Variants in SRGAP1 observed in about 807,000 individuals in gnomAD.
SRGAP1 encodes the protein SLIT-ROBO Rho GTPase activating protein 1, also known as SLIT-ROBO Rho GTPase-activating protein 1.
A neutral mutation model predicts 121.9 loss-of-function variants in SRGAP1; 43 were observed. That is an observed-to-expected ratio of 0.35 (90% CI 0.28 to 0.46). The LOEUF is 0.46. Ranked by LOEUF, SRGAP1 falls within the 20% of genes least tolerant of loss-of-function variation. The pLI is 1.00. For missense variants in SRGAP1, 1,102 were observed against 1,350.9 expected, an observed-to-expected ratio of 0.82 and a Z score of 2.89; for synonymous variants, 447 against 485.4, an observed-to-expected ratio of 0.92 and a Z score of 1.04.
intron 1 of SRGAP1, among the ~76,000 whole-genome samples, chr12:63,941,406 T>C (rs1266825870): frequency 6.6e-6 from 1 of 152,176 alleles, no homozygotes. Context: ...ATCAGGTCCA[T>C]TGAATTTGAC....
rs1254064578 is a variant in SRGAP1 at position 63,844,828 on chromosome 12, G to A, written c.12G>A (p.Pro4=). Residue 4 remains proline (P), a synonymous_variant, in exon 1 of 22, where the codon CCG becomes CCA. Coordinates refer to ENST00000355086, the MANE Select transcript of SRGAP1 (RefSeq NM_020762.4). This position sits in a 1 kb window ranked among gnomAD's most constrained non-coding sequence, Gnocchi z 4.3. The part of the protein sequence containing the change: MST[P]SRFKKDKEII... ...GGAACAGCTGGATAATGTCCACCCC[G>A]AGCCGATTCAAGAAGGACAAAGAGA... The A allele has an allele frequency of 1.9e-6, 3 of 1,614,132 alleles. No individual in the cohort carries two copies. The highest frequency in any genetic ancestry group is 1.1e-5 in the South Asian group (1 of 91,080).
intron 1 of SRGAP1, among the ~76,000 whole-genome samples, chr12:63,922,493 A>G (rs2031099245): frequency 6.6e-6 from 1 of 152,216 alleles, no homozygotes; most frequent in Admixed American, 6.5e-5. Context: ...GTTACCTCAC[A>G]AGTAAAACTT....
intron 1 of SRGAP1, among the ~76,000 whole-genome samples, chr12:63,940,164 G>A (rs547248902): frequency 6.6e-6 from 1 of 151,868 alleles, no homozygotes; most frequent in Non-Finnish European, 1.5e-5. Flanking sequence ...GTTTCACCAT[G>A]TTGGCCAGGC....
At chr12:63,973,560 C>T (rs1249389762) in intron 1 of SRGAP1, among the ~76,000 whole-genome samples, 1 of 152,100 alleles carries the variant, frequency 6.6e-6, no homozygotes, top group Non-Finnish European at 1.5e-5. Context: ...CTGAAAACAT[C>T]ATAGGAAATC....
chr12:64,011,411 G>T (rs2034248061), intron 3 of SRGAP1, among the ~76,000 whole-genome samples: 1 of 152,106 alleles, frequency 6.6e-6, no homozygotes, highest in African/African-American at 2.4e-5. Context: ...GAAGCATTAT[G>T]ATTTCATTAT....
chr12:64,075,601 C>T (rs997389655), intron 8 of SRGAP1, among the ~76,000 whole-genome samples: 8 of 152,114 alleles, frequency 5.3e-5, no homozygotes, highest in Admixed American at 6.6e-5. Flanking sequence ...AAAACCTGTG[C>T]GTGATACTGT....
intron 10 of SRGAP1, chr12:64,082,022 T>TTTTTTTTTC (rs10694606): frequency 1.4e-5 from 2 of 143,764 alleles, no homozygotes; most frequent in African/African-American, 5.2e-5. Flanking sequence ...TTTTTTTTTT[T>TTTTTTTTTC]CAATTTTTCA....
chr12:63,885,260 A>G (rs878937352), intron 1 of SRGAP1, among the ~76,000 whole-genome samples: 1 of 152,112 alleles, frequency 6.6e-6, no homozygotes, highest in Non-Finnish European at 1.5e-5. Context: ...TTTTGGTTCA[A>G]TTAATTTGCT....
chr12:63,851,029 AT>A, intron 1 of SRGAP1, among the ~76,000 whole-genome samples: 1 of 152,138 alleles, frequency 6.6e-6, no homozygotes, highest in East Asian at 2.0e-4. Flanking sequence ...GGTAGCATGT[AT>A]CTATAATCCC....
chr12:64,138,057 A>G (rs993995093), intron 21 of SRGAP1, among the ~76,000 whole-genome samples: 1 of 151,882 alleles, frequency 6.6e-6, no homozygotes, highest in Admixed American at 6.6e-5. Context: ...TTGTTGTGAA[A>G]CATCTCTCCA....
At chr12:64,114,868 T>C (rs1298171325) in intron 17 of SRGAP1, among the ~76,000 whole-genome samples, 1 of 152,206 alleles carries the variant, frequency 6.6e-6, no homozygotes. Context: ...GTATTGCTCA[T>C]TTTAAACAGG....
intron 1 of SRGAP1, among the ~76,000 whole-genome samples, chr12:63,904,621 A>G (rs927819976): frequency 1.3e-5 from 2 of 152,192 alleles, no homozygotes; most frequent in Non-Finnish European, 2.9e-5. Context: ...CATGTTCAAA[A>G]TCCACAAGAT....
At chr12:64,032,762 C>G (rs1327235811) in intron 4 of SRGAP1, 1 of 215,186 alleles carries the variant, frequency 4.6e-6, no homozygotes, top group Non-Finnish European at 9.2e-6. Context: ...TTTCTTTAGC[C>G]TGTCTGTGAA....
chr12:63,916,779 T>G (rs2030798979), intron 1 of SRGAP1, among the ~76,000 whole-genome samples: 1 of 152,178 alleles, frequency 6.6e-6, no homozygotes, highest in South Asian at 2.1e-4. Flanking sequence ...GGGAATCGCA[T>G]GCAGGCCAGT....
intron 8 of SRGAP1, among the ~76,000 whole-genome samples, chr12:64,076,661 T>C (rs1240460681): frequency 2.6e-5 from 4 of 152,156 alleles, no homozygotes; most frequent in Non-Finnish European, 5.9e-5. Flanking sequence ...AAATTTTTTT[T>C]TTTGAGACAG....
intron 1 of SRGAP1, among the ~76,000 whole-genome samples, chr12:63,948,862 ATATTCCATATATATATT>A (rs1194460285): frequency 2.0e-4 from 25 of 122,346 alleles, no homozygotes; most frequent in African/African-American, 7.7e-4. Flanking sequence ...CCATATATAT[ATATTCCATATATATATT>A]TTCCATATAT....
chr12:64,005,894 CCT>C (rs2034066338), intron 3 of SRGAP1, among the ~76,000 whole-genome samples: 1 of 152,106 alleles, frequency 6.6e-6, no homozygotes, highest in Admixed American at 6.5e-5. Flanking sequence ...ATTCAACAAA[CCT>C]CTATTGATAA....
intron 18 of SRGAP1, among the ~76,000 whole-genome samples, chr12:64,118,042 A>G (rs2036550034): frequency 6.6e-6 from 1 of 152,166 alleles, no homozygotes; most frequent in Non-Finnish European, 1.5e-5. Context: ...GCTATTGTGA[A>G]TAGTGCTGAA....
chr12:64,073,655 A>C (rs1294155994), intron 8 of SRGAP1, among the ~76,000 whole-genome samples: 8 of 152,098 alleles, frequency 5.3e-5, no homozygotes, highest in Non-Finnish European at 1.0e-4. Context: ...CTATGTAAAT[A>C]GTTATACTGG....
Sources: gnomAD v4.1 joint callset for allele counts (sites outside exome capture counted in the v4.1 genomes callset) on GRCh38, gnomAD v4.1.1 for gene constraint, Gnocchi (gnomAD v3.1) non-coding constraint, MANE v1.5 for transcripts, NCBI Gene and HGNC (gene_info 2026-07-23, HGNC 2026-07-21) for gene names.